The following SZT2 variants were observed in gnomAD, a reference collection of about 807,000 sequenced individuals.
SZT2 encodes SZT2 subunit of KICSTOR complex.
A neutral mutation model predicts 404.2 loss-of-function variants in SZT2; 216 were observed. The observed-to-expected ratio is 0.53, with a 90% CI of 0.48 to 0.60. The LOEUF (loss-of-function observed/expected upper bound fraction) is 0.60. Ranked by LOEUF, SZT2 falls within the 20% of genes least tolerant of loss-of-function variation. SZT2 has a pLI of 0.00. For missense variants in SZT2, 3,857 were observed against 4,459.2 expected (o/e 0.86, Z 3.85); for synonymous variants, 1,693 against 1,749.9 (o/e 0.97, Z 0.81).
intron 13 of SZT2, 23 bp downstream of exon 13, chr1:43,422,655 A>ACCCCCCCCCTCCCCC: frequency 9.1e-7 from 1 of 1,095,026 alleles, no homozygotes; most frequent in South Asian, 1.5e-5. Flanking sequence ...ATGTCCCTTC[A>ACCCCCCCCCTCCCCC]CCCCCCGCCC....
rs1449343672 is a variant in SZT2 at position 43,453,018 on chromosome 1, C to G, written c.*2538C>G. On this transcript the variant is annotated 3_prime_UTR_variant, in exon 72 of 72. Transcript: ENST00000634258. ...CAATGCCCACTCCTTGAAGACAGTC[C>G]AAGCATCACTACCTGTAAGCAGCTT... 3 of 1,464,574 alleles carry G rather than the reference C, an allele frequency of 2.0e-6. No homozygotes were observed. Among genetic ancestry groups the G allele is most frequent in the South Asian group, 2.3e-5 (2 of 85,390 alleles). The allele number at this position is 1,464,574 out of a possible 1,614,324, so 90.7% of individuals were successfully genotyped here. A position where few individuals can be genotyped will look rare whatever the true frequency, so the allele number is the denominator to read the frequency against.
chr1:43,441,993 T>G lies in SZT2; in HGVS notation c.7743-7T>G. 1 of 1,609,488 alleles carries G rather than the reference T, an allele frequency of 6.2e-7. No individual in the cohort carries two copies. The highest frequency in any genetic ancestry group is 8.5e-7 in the Non-Finnish European group (1 of 1,177,188). On this transcript the variant is annotated splice_region_variant and splice_polypyrimidine_tract_variant and intron_variant, in intron 55 of 71. Transcript: ENST00000634258. This position sits in a 1 kb window ranked among gnomAD's most constrained non-coding sequence, Gnocchi z 4.8. The stretch of plus-strand genomic sequence containing the variant: ...ATGGCCTTTCTGTCTGTCCTCCCTT[T>G]CAATAGGGGTTCAGAGCCAGAGATC...
Position 43,439,129 on chromosome 1 carries a change from CA to C in SZT2, c.6792+37del. On this transcript the variant is annotated intron_variant, in intron 48 of 71. Transcript: ENST00000634258. This position sits in a 1 kb window ranked among gnomAD's most constrained non-coding sequence, Gnocchi z 4.2. ...ACTCATCTCTCTCCACACTCATGTG[CA>C]CCCCTGCCCCCTGCCCCACGCACTT... The C allele has an allele frequency of 6.2e-7, 1 of 1,612,668 alleles. No homozygotes were observed.
At position 43,416,685 on chromosome 1, in the gene SZT2, A is replaced by C. The variant is rs765441147; in HGVS notation, c.879+44A>C. 2.7e-6 allele frequency: 4 copies of C among 1,457,906 alleles called. No homozygotes were observed. The East Asian group carries it at 9.3e-5, about 34-fold the overall frequency. The allele number at this position is 1,457,906 out of a possible 1,614,324, so 90.3% of individuals were successfully genotyped here. A position where few individuals can be genotyped will look rare whatever the true frequency, so the allele number is the denominator to read the frequency against. ...GGACGAGAGAGATATGGAATATCTC[A>C]CACAAAGTTGGGATGGCTGATTACT... On this transcript the variant is annotated intron_variant, in intron 7 of 71. Coordinates refer to ENST00000634258, the MANE Select transcript of SZT2 (RefSeq NM_001365999.1).
intron 1 of SZT2, among the ~76,000 whole-genome samples, chr1:43,395,077 CT>C (rs1404219879): frequency 3.9e-5 from 6 of 152,060 alleles, no homozygotes; most frequent in African/African-American, 1.5e-4. Flanking sequence ...TCAAAATAAC[CT>C]TCAAGGAAAG....
chr1:43,390,068 G>C, intron 1 of SZT2, 73 bp downstream of exon 1: 1 of 1,369,442 alleles, frequency 7.3e-7, no homozygotes, highest in Non-Finnish European at 9.4e-7. Flanking sequence ...GCGTGGCGTT[G>C]GCCTCCTCTA....
intron 1 of SZT2, among the ~76,000 whole-genome samples, chr1:43,394,764 G>A (rs951223227): frequency 1.3e-5 from 2 of 151,900 alleles, no homozygotes; most frequent in Non-Finnish European, 2.9e-5. Context: ...TGTAATCCCA[G>A]CTACTCGGAA....
chr1:43,404,043 C>A, intron 3 of SZT2: 1 of 525,166 alleles, frequency 1.9e-6, no homozygotes, highest in South Asian at 2.7e-5. Flanking sequence ...AACTCCCTCT[C>A]TATAAAAAAT....
At chr1:43,397,600 TC>T (rs1391307262) in intron 1 of SZT2, among the ~76,000 whole-genome samples, 1 of 150,574 alleles carries the variant, frequency 6.6e-6, no homozygotes, top group African/African-American at 2.4e-5. Context: ...CAATCTTGGC[TC>T]ACTGCAGCCT....
At chr1:43,449,996 G>T in intron 70 of SZT2, 107 bp from the exon 71 acceptor site, 1 of 1,330,390 alleles carries the variant, frequency 7.5e-7, no homozygotes, top group Middle Eastern at 1.8e-4. Context: ...TGCAGGCGGG[G>T]TGAGGTGTGG....
chr1:43,446,306 C>T (rs548880491), intron 64 of SZT2, 36 bp from the exon 65 acceptor site: 3 of 1,614,234 alleles, frequency 1.9e-6, no homozygotes, highest in African/African-American at 1.3e-5. Context: ...CCACCTGTCT[C>T]TCGCCTTCCT....
rs1430914758 is a variant in SZT2, at chr1:43,447,183, G to A, written c.9286+15G>A. On this transcript the variant is annotated intron_variant, in intron 66 of 71. Coordinates refer to ENST00000634258, the MANE Select transcript of SZT2 (RefSeq NM_001365999.1). ...CATTTACCAAGGTCAGTGCCCAAGG[G>A]CAAGCCAGTGAACCCAAAAAAGAAC... The A allele has an allele frequency of 3.1e-6, 5 of 1,599,352 alleles. No individual in the cohort carries two copies. The highest frequency in any genetic ancestry group is 4.3e-6 in the Non-Finnish European group (5 of 1,174,840).
At chr1:43,411,769 C>CTTTTTTTTTT (rs386366817) in intron 4 of SZT2, among the ~76,000 whole-genome samples, 1 of 74,046 alleles carries the variant, frequency 1.4e-5, no homozygotes, top group African/African-American at 6.3e-5. Flanking sequence ...CATCCACTAT[C>CTTTTTTTTTT]TTTTTTTTTT....
chr1:43,442,555 C>T lies in SZT2; in HGVS notation c.8088C>T (p.Leu2696=). ...NARAHLIFCL[L]SQKLGLFHHY... is the part of the protein sequence containing the mutation. ...GAGCCCATCTCATCTTCTGCCTACT[C>T]AGCCAGAAGCTTGGCCTCTTCCATC... The change falls in exon 58 of 72, where the codon CTC becomes CTT. Residue 2696 remains leucine, a synonymous_variant. Transcript: ENST00000634258. This position sits in a 1 kb window ranked among gnomAD's most constrained non-coding sequence, Gnocchi z 4.5. 2 of 1,613,980 alleles carry T rather than the reference C, an allele frequency of 1.2e-6. No homozygotes were observed. Among genetic ancestry groups the T allele is most frequent in the East Asian group, 2.2e-5 (1 of 44,858 alleles).
rs1004244452 is a variant in SZT2 at position 43,404,271 on chromosome 1, G to C, written c.328-109G>C. The stretch of plus-strand genomic sequence containing the variant: ...CATGTGTGGCACTGTATTTGGGTGT[G>C]CGATCATCCATAAGTTAAGTGTCCT... On this transcript the variant is annotated intron_variant, in intron 3 of 71. Transcript: ENST00000634258. 18 of 916,044 alleles carry C rather than the reference G, an allele frequency of 2.0e-5. 1 individual carries two copies. The East Asian group carries it at 3.4e-4, about 17-fold the overall frequency. 56.7% of individuals were successfully genotyped at this position (916,044 alleles called of 1,614,324 possible).
At position 43,426,574 on chromosome 1, in the gene SZT2, G is replaced by A. The variant is rs895472099; in HGVS notation, c.3214+36G>A. On this transcript the variant is annotated intron_variant, in intron 22 of 71. Transcript: ENST00000634258. This position sits in a 1 kb window ranked among gnomAD's most constrained non-coding sequence, Gnocchi z 4.9. ...CACATCCTCCTGACACCAGACCCTG[G>A]CCCAGCCCTTTTCCCCCACCCTCAC... 4 of 1,523,874 alleles carry A rather than the reference G, an allele frequency of 2.6e-6. No homozygotes were observed. In the African/African-American group the frequency reaches 5.5e-5, roughly 21 times the overall value. 94.4% of individuals were successfully genotyped at this position (1,523,874 alleles called of 1,614,324 possible). A position where few individuals can be genotyped will look rare whatever the true frequency, so the allele number is the denominator to read the frequency against.
chr1:43,422,042 C>G, intron 11 of SZT2, 41 bp from the exon 12 acceptor site: 2 of 1,557,382 alleles, frequency 1.3e-6, no homozygotes, highest in Non-Finnish European at 1.7e-6. Context: ...TACCCTGGTC[C>G]TCTGCAAATG....
At position 43,425,293 on chromosome 1, in the gene SZT2, G is replaced by A; in HGVS notation, c.2645+86G>A. On this transcript the variant is annotated intron_variant, in intron 18 of 71. Transcript: ENST00000634258. This position sits in a 1 kb window ranked among gnomAD's most constrained non-coding sequence, Gnocchi z 4.3. ...TAGAGGTCTGGCTCCCATATCCTGAGATGATCTTGATCCCAAAGTCAGGGA... is the reference window on the plus strand; with the variant it reads ...TAGAGGTCTGGCTCCCATATCCTGAAATGATCTTGATCCCAAAGTCAGGGA... 1 of 1,552,666 alleles carries A rather than the reference G, an allele frequency of 6.4e-7. No homozygotes were observed. The highest frequency in any genetic ancestry group is 8.8e-7 in the Non-Finnish European group (1 of 1,134,864).
chr1:43,393,042 G>A (rs1201345029), intron 1 of SZT2, among the ~76,000 whole-genome samples: 1 of 152,204 alleles, frequency 6.6e-6, no homozygotes, highest in African/African-American at 2.4e-5. Flanking sequence ...AGTGAATTAG[G>A]GTGTTTAACA....
Sources: gnomAD v4.1 joint callset for allele counts (sites outside exome capture counted in the v4.1 genomes callset) on GRCh38, gnomAD v4.1.1 for gene constraint, Gnocchi (gnomAD v3.1) non-coding constraint, MANE v1.5 for transcripts, NCBI Gene and HGNC (gene_info 2026-07-23, HGNC 2026-07-21) for gene names.